The following UNC5D variants were observed in gnomAD, a reference collection of about 807,000 sequenced individuals.
UNC5D encodes netrin receptor UNC5D.
Under a neutral mutation model 105.4 loss-of-function variants are expected in UNC5D, and 39 were observed. The observed-to-expected ratio is 0.37, with a 90% CI of 0.29 to 0.48. UNC5D has a LOEUF of 0.48. Ranked by LOEUF, UNC5D falls within the 20% of genes least tolerant of loss-of-function variation. UNC5D has a pLI of 0.98. For missense variants in UNC5D, 991 were observed against 1,202.4 expected (o/e 0.82, Z 2.60); for synonymous variants, 452 against 450.4 (o/e 1.00, Z -0.04).
chr8:35,240,330 G>A (rs1452899737), intron 1 of UNC5D, among the ~76,000 whole-genome samples: 2 of 152,020 alleles, frequency 1.3e-5, no homozygotes, highest in African/African-American at 4.8e-5. Flanking sequence ...TATTGTACCT[G>A]TTCCTTAAAA....
intron 1 of UNC5D, among the ~76,000 whole-genome samples, chr8:35,404,277 G>T (rs1804663298): frequency 6.6e-6 from 1 of 152,150 alleles, no homozygotes; most frequent in Admixed American, 6.5e-5. Context: ...GGTTTGTCAA[G>T]AGGCCAAGAA....
At chr8:35,346,564 C>T (rs981283928) in intron 1 of UNC5D, among the ~76,000 whole-genome samples, 2 of 151,884 alleles carry the variant, frequency 1.3e-5, no homozygotes, top group Admixed American at 6.6e-5. Flanking sequence ...TCAGAAATAT[C>T]ATGAAATTAT....
chr8:35,710,934 CTTT>C (rs775014566), intron 8 of UNC5D, among the ~76,000 whole-genome samples: 2 of 114,380 alleles, frequency 1.7e-5, no homozygotes. Flanking sequence ...CAGCATTATT[CTTT>C]TTTTTTTTTT....
At chr8:35,489,957 A>G (rs891368666) in intron 1 of UNC5D, among the ~76,000 whole-genome samples, 3 of 152,230 alleles carry the variant, frequency 2.0e-5, no homozygotes, top group Non-Finnish European at 4.4e-5. Flanking sequence ...ATGATTTTGT[A>G]GATTCTATGC....
chr8:35,750,927 T>C, intron 13 of UNC5D, 118 bp downstream of exon 13: 1 of 1,203,884 alleles, frequency 8.3e-7, no homozygotes, highest in East Asian at 2.4e-5. Flanking sequence ...CACGCCACTG[T>C]AACTGCCCAG....
chr8:35,671,108 T>C (rs1484692317), intron 4 of UNC5D, among the ~76,000 whole-genome samples: 1 of 152,086 alleles, frequency 6.6e-6, no homozygotes, highest in Non-Finnish European at 1.5e-5. Context: ...CCACCTCCAC[T>C]AAGTCGGCCA....
chr8:35,374,474 T>G (rs1357960244), intron 1 of UNC5D, among the ~76,000 whole-genome samples: 1 of 152,220 alleles, frequency 6.6e-6, no homozygotes, highest in African/African-American at 2.4e-5. Context: ...TGCAAAGCTT[T>G]TGTTTATGAA....
intron 1 of UNC5D, among the ~76,000 whole-genome samples, chr8:35,361,007 A>T (rs553664780): frequency 2.6e-5 from 4 of 152,266 alleles, no homozygotes; most frequent in Admixed American, 1.3e-4. Flanking sequence ...CAAACATCAA[A>T]AGCACATTTG....
chr8:35,305,769 C>T (rs1808358575), intron 1 of UNC5D, among the ~76,000 whole-genome samples: 1 of 146,046 alleles, frequency 6.8e-6, no homozygotes, highest in Non-Finnish European at 1.5e-5. Flanking sequence ...TTCCTCCCTC[C>T]ATCACTCTCT....
intron 11 of UNC5D, among the ~76,000 whole-genome samples, chr8:35,740,822 G>A (rs2131606224): frequency 6.6e-6 from 1 of 152,220 alleles, no homozygotes. Flanking sequence ...CCCATGCCAT[G>A]CATCTGAACA....
chr8:35,638,652 G>A (rs922946650), intron 4 of UNC5D, among the ~76,000 whole-genome samples: 5 of 151,998 alleles, frequency 3.3e-5, no homozygotes, highest in Admixed American at 6.6e-5. Flanking sequence ...AAAAATTAGA[G>A]TGTATGATGA....
At chr8:35,471,501 A>C (rs1809722953) in intron 1 of UNC5D, among the ~76,000 whole-genome samples, 1 of 152,194 alleles carries the variant, frequency 6.6e-6, no homozygotes, top group Non-Finnish European at 1.5e-5. Flanking sequence ...AAAATAAATG[A>C]AAGATTTTTT....
intron 1 of UNC5D, among the ~76,000 whole-genome samples, chr8:35,473,321 A>G (rs1809869351): frequency 6.6e-6 from 1 of 152,186 alleles, no homozygotes; most frequent in Admixed American, 6.5e-5. Context: ...GATTTACTCT[A>G]GAAGATAAGT....
intron 14 of UNC5D, among the ~76,000 whole-genome samples, 157 bp downstream of exon 14, chr8:35,759,626 C>T (rs1234469531): frequency 6.6e-6 from 1 of 152,110 alleles, no homozygotes. Flanking sequence ...ACTACACACA[C>T]GGAATGAAAC....
intron 4 of UNC5D, among the ~76,000 whole-genome samples, chr8:35,671,069 C>T (rs1233295610): frequency 6.6e-6 from 1 of 151,906 alleles, no homozygotes; most frequent in Non-Finnish European, 1.5e-5. Context: ...CCCTTCTGTC[C>T]CTTTTCTTCT....
At chr8:35,257,453 C>CT (rs1563255250) in intron 1 of UNC5D, among the ~76,000 whole-genome samples, 2 of 152,164 alleles carry the variant, frequency 1.3e-5, no homozygotes, top group Admixed American at 6.5e-5. Context: ...TGACTGGACT[C>CT]TAACTCTCAC....
rs563928770 is a variant in UNC5D at position 35,383,192 on chromosome 8, G to A, written c.103+147305G>A. Among the ~76,000 whole-genome samples, 7 of 152,132 alleles carry A rather than the reference G, an allele frequency of 4.6e-5. No individual in the cohort carries two copies. In the South Asian group the frequency reaches 1.2e-3, roughly 27 times the overall value. On this transcript the variant is annotated intron_variant, in intron 1 of 16. Transcript: ENST00000404895. ...ACAATGACATTAAATAGTTTGTCCA[G>A]CAGCTTACCATTGGTAAAACCTGAG...
intron 1 of UNC5D, among the ~76,000 whole-genome samples, chr8:35,267,077 G>C (rs928747386): frequency 7.0e-6 from 1 of 142,248 alleles, no homozygotes; most frequent in Non-Finnish European, 1.5e-5. Flanking sequence ...CTGCCACAGG[G>C]ACTGATTTTT....
At chr8:35,535,450 ATT>A (rs34278200) in intron 1 of UNC5D, among the ~76,000 whole-genome samples, 2 of 146,832 alleles carry the variant, frequency 1.4e-5, no homozygotes, top group East Asian at 2.0e-4. Context: ...TTTTTTTTTA[ATT>A]TTTTTTTTAA....
Sources: allele counts gnomAD v4.1 joint callset (sites outside exome capture counted in the v4.1 genomes callset), GRCh38; gene constraint gnomAD v4.1.1; transcripts MANE v1.5; gene names NCBI Gene and HGNC (gene_info 2026-07-23, HGNC 2026-07-21).